SLC30A8: variants seen among roughly 807,000 people sequenced by gnomAD.
SLC30A8 encodes the protein proton-coupled zinc antiporter SLC30A8.
A neutral mutation model predicts 36.9 loss-of-function variants in SLC30A8; 27 were observed. The observed-to-expected ratio is 0.73, with a 90% confidence interval of 0.54 to 1.01. SLC30A8 has a LOEUF of 1.01. Among genes scored for constraint, SLC30A8 ranks in the 50% least tolerant of loss-of-function variants. The pLI, the probability that SLC30A8 is intolerant of heterozygous loss-of-function variation, is 0.00. For missense variants in SLC30A8, 439 were observed against 452.0 expected, an observed-to-expected ratio of 0.97 and a Z score of 0.26; for synonymous variants, 164 against 172.4, an observed-to-expected ratio of 0.95 and a Z score of 0.38.
chr8:117,036,117 C>T (rs944590208), intron 1 of SLC30A8, among the ~76,000 whole-genome samples: 3 of 152,188 alleles, frequency 2.0e-5, no homozygotes, highest in East Asian at 3.8e-4. Context: ...ATTCCCCCCC[C>T]CAGAAAATGG....
At chr8:117,120,026 G>T (rs1040371657) in intron 2 of SLC30A8, among the ~76,000 whole-genome samples, 7 of 151,764 alleles carry the variant, frequency 4.6e-5, no homozygotes, top group African/African-American at 1.7e-4. Context: ...ACTTAATATT[G>T]TTCAAATGTG....
chr8:117,162,058 A>G (rs1822819797), intron 5 of SLC30A8, among the ~76,000 whole-genome samples, 170 bp downstream of exon 5: 1 of 152,192 alleles, frequency 6.6e-6, no homozygotes, highest in South Asian at 2.1e-4. Context: ...ATGAACAGCA[A>G]CAAAACTGTG....
At chr8:117,044,427 C>T (rs1817481964) in intron 2 of SLC30A8, among the ~76,000 whole-genome samples, 1 of 152,110 alleles carries the variant, frequency 6.6e-6, no homozygotes, top group African/African-American at 2.4e-5. Context: ...AAATTTATCA[C>T]CTTTTTAGAC....
chr8:117,172,242 C>A (rs1433402030), intron 7 of SLC30A8, among the ~76,000 whole-genome samples: 2 of 152,108 alleles, frequency 1.3e-5, no homozygotes, highest in Non-Finnish European at 2.9e-5. Context: ...TCTGTCTTGG[C>A]TTTTTCCAGG....
intron 2 of SLC30A8, among the ~76,000 whole-genome samples, chr8:117,039,511 C>G (rs957107911): frequency 2.6e-5 from 4 of 152,290 alleles, no homozygotes; most frequent in East Asian, 1.9e-4. Context: ...ACTCATGAAT[C>G]CTTTTTGATA....
chr8:117,120,521 G>C (rs751817187), intron 2 of SLC30A8, among the ~76,000 whole-genome samples: 1 of 151,782 alleles, frequency 6.6e-6, no homozygotes, highest in Non-Finnish European at 1.5e-5. Flanking sequence ...ACCATAGGGG[G>C]AAAACTTTAC....
chr8:117,160,671 G>T (rs1437360129), intron 4 of SLC30A8, among the ~76,000 whole-genome samples: 2 of 152,174 alleles, frequency 1.3e-5, no homozygotes, highest in Non-Finnish European at 2.9e-5. Context: ...ATCAGATGAG[G>T]TTCTATGATC....
chr8:116,972,653 C>T (rs1170390904), intron 1 of SLC30A8, among the ~76,000 whole-genome samples: 1 of 152,108 alleles, frequency 6.6e-6, no homozygotes, highest in East Asian at 1.9e-4. Context: ...CCATAGTGAC[C>T]AGTAGACTTT....
intron 2 of SLC30A8, among the ~76,000 whole-genome samples, chr8:117,112,753 A>C (rs951686082): frequency 1.3e-5 from 2 of 152,166 alleles, no homozygotes; most frequent in Non-Finnish European, 2.9e-5. Flanking sequence ...GTGTTATTAC[A>C]GACTCAATAT....
intron 1 of SLC30A8, among the ~76,000 whole-genome samples, chr8:116,990,552 G>T (rs1815600649): frequency 1.3e-5 from 2 of 152,142 alleles, no homozygotes. Flanking sequence ...CCTCAAAACT[G>T]TCTAACTTAT....
intron 2 of SLC30A8, among the ~76,000 whole-genome samples, chr8:117,041,248 A>G (rs1412167564): frequency 6.6e-6 from 1 of 152,234 alleles, no homozygotes; most frequent in Non-Finnish European, 1.5e-5. Context: ...AGTGGGGCTC[A>G]GATTGAGGGA....
At chr8:116,993,409 C>A (rs1457490671) in intron 1 of SLC30A8, among the ~76,000 whole-genome samples, 1 of 152,078 alleles carries the variant, frequency 6.6e-6, no homozygotes, top group East Asian at 1.9e-4. Context: ...ATTTAACTGT[C>A]TACTAGAGGA....
At chr8:117,075,384 T>C (rs1206291601) in intron 2 of SLC30A8, among the ~76,000 whole-genome samples, 4 of 152,208 alleles carry the variant, frequency 2.6e-5, no homozygotes, top group East Asian at 1.9e-4. Context: ...ACTGATTCTT[T>C]CTTTATCATT....
chr8:117,021,431 A>G (rs1024706574), intron 1 of SLC30A8, among the ~76,000 whole-genome samples: 4 of 152,174 alleles, frequency 2.6e-5, no homozygotes, highest in African/African-American at 7.2e-5. Flanking sequence ...GTATCCTCCA[A>G]CCAGCCACAG....
intron 2 of SLC30A8, among the ~76,000 whole-genome samples, chr8:117,074,562 G>T (rs905991051): frequency 3.9e-5 from 6 of 152,098 alleles, no homozygotes; most frequent in Non-Finnish European, 7.4e-5. Flanking sequence ...CTAACACATT[G>T]ATAATATTTA....
At chr8:117,151,809 A>ACAT (rs1248635000) in intron 2 of SLC30A8, among the ~76,000 whole-genome samples, 1 of 152,238 alleles carries the variant, frequency 6.6e-6, no homozygotes, top group African/African-American at 2.4e-5. Context: ...AGATAGAGCA[A>ACAT]CATTAGAGGA....
intron 4 of SLC30A8, 144 bp downstream of exon 4, chr8:117,157,988 A>T: frequency 1.1e-6 from 1 of 909,446 alleles, no homozygotes. Flanking sequence ...ATTGAAAATA[A>T]GGTTGACTGC....
At chr8:116,977,603 C>T in intron 1 of SLC30A8, among the ~76,000 whole-genome samples, 1 of 151,654 alleles carries the variant, frequency 6.6e-6, no homozygotes, top group South Asian at 2.1e-4. Flanking sequence ...CCTCCGCCTC[C>T]CGGGTTCAAG....
chr8:117,013,287 A>T (rs769976130), intron 1 of SLC30A8, among the ~76,000 whole-genome samples: 2 of 152,180 alleles, frequency 1.3e-5, no homozygotes, highest in Admixed American at 1.3e-4. Flanking sequence ...TGCTTTCTGT[A>T]TACAGCTCAC....
Sources: allele counts gnomAD v4.1 joint callset (sites outside exome capture counted in the v4.1 genomes callset), GRCh38; gene constraint gnomAD v4.1.1; transcripts MANE v1.5; gene names NCBI Gene and HGNC (gene_info 2026-07-23, HGNC 2026-07-21).